The following MDN1 variants were observed in gnomAD, a reference collection of about 807,000 sequenced individuals.
MDN1 encodes midasin.
Under a neutral mutation model 669.2 loss-of-function variants are expected in MDN1, and 266 were observed. The observed-to-expected ratio is 0.40, with a 90% CI of 0.36 to 0.44. MDN1 has a LOEUF of 0.44. MDN1 is among the 20% of genes least tolerant of loss of function. MDN1 has a pLI of 1.00. For synonymous variants in MDN1, 2,385 were observed against 2,457.1 expected (o/e 0.97, Z 0.87); for missense variants, 5,940 against 6,754.0 (o/e 0.88, Z 4.22).
intron 2 of MDN1, among the ~76,000 whole-genome samples, chr6:89,801,162 A>G (rs1400816895): frequency 2.0e-5 from 3 of 151,938 alleles, no homozygotes; most frequent in Admixed American, 6.6e-5. Flanking sequence ...TTGGGAGGCC[A>G]AGGCGGGCAG....
chr6:89,706,257 C>A, intron 52 of MDN1, 65 bp from the exon 53 acceptor site: 1 of 1,486,798 alleles, frequency 6.7e-7, no homozygotes, highest in Non-Finnish European at 9.1e-7. Flanking sequence ...TGGACATTTT[C>A]AAAATAAACT....
intron 87 of MDN1, among the ~76,000 whole-genome samples, 190 bp downstream of exon 87, chr6:89,661,897 A>C (rs1435617817): frequency 6.6e-6 from 1 of 152,170 alleles, no homozygotes; most frequent in Non-Finnish European, 1.5e-5. Context: ...CATGTGGACT[A>C]CCCTGTCAGG....
chr6:89,674,759 A>C (rs951935893), intron 78 of MDN1, among the ~76,000 whole-genome samples, 170 bp from the exon 79 acceptor site: 10 of 152,228 alleles, frequency 6.6e-5, no homozygotes, highest in African/African-American at 2.2e-4. Context: ...CTCCCAAAGT[A>C]CTTAAACCCA....
chr6:89,765,151 G>C lies in MDN1; in HGVS notation c.2145-2621C>G, dbSNP rs556483461. ...CGGGCGCCTATAGTCCCAGCTACTC[G>C]GGAGGCTGAGGCAGGAGAATGGCGT... On this transcript the variant is annotated intron_variant, in intron 15 of 101. Coordinates refer to ENST00000369393, the MANE Select transcript of MDN1 (RefSeq NM_014611.3). 2.8e-4 allele frequency among the ~76,000 whole-genome samples: 42 copies of C among 152,176 alleles called. 1 individual carries two copies. In the South Asian group the frequency reaches 7.7e-3, roughly 28 times the overall value.
chr6:89,755,179 A>G (rs546562479), intron 20 of MDN1, among the ~76,000 whole-genome samples: 23 of 152,200 alleles, frequency 1.5e-4, no homozygotes, highest in South Asian at 4.1e-4. Flanking sequence ...AAGTATTCCA[A>G]TTTAGGGTGT....
At position 89,771,528 on chromosome 6, in the gene MDN1, A is replaced by G. The variant is rs1345919004; in HGVS notation, c.2144+33T>C. The G allele has an allele frequency of 1.9e-6, 3 of 1,583,258 alleles. No homozygotes were observed. The African/African-American group carries it at 4.1e-5, about 21-fold the overall frequency. On this transcript the variant is annotated intron_variant, in intron 15 of 101. Coordinates refer to ENST00000369393, the MANE Select transcript of MDN1 (RefSeq NM_014611.3). ...ATTTCTTACCTCAAGCAATAAACAC[A>G]AAAATAAGAAAAAAATTTTAAGCCA...
rs1450556331 is a variant in MDN1 at position 89,674,478 on chromosome 6, C to A, written c.12873G>T (p.Gln4291His). 6.2e-7 allele frequency: 1 copy of A among 1,613,274 alleles called. No individual in the cohort carries two copies. The highest frequency in any genetic ancestry group is 8.5e-7 in the Non-Finnish European group (1 of 1,179,976). ...GGATCTGGCACTGCATGGCCAGGTG[C>A]TGCAGGCGCTCTGTCCACTGCTGCA... is the stretch of plus-strand genomic sequence containing the variant. ...DGVQQWTERL[Q>H]HLAMQCQILL... Residue 4291 changes from glutamine (Q) to histidine (H), a missense_variant, in exon 79 of 102, where the codon CAG (glutamine) becomes CAT (histidine). Gln to His is a conservative substitution (Grantham distance 24, BLOSUM62 0). Coordinates refer to ENST00000369393, the MANE Select transcript of MDN1 (RefSeq NM_014611.3).
Position 89,729,128 on chromosome 6 carries a change from G to A in MDN1, c.5152C>T (p.His1718Tyr), listed in dbSNP as rs1348303105. ...GCATAGTCTGCAATATTATTCCTGTGTAGGACAGGTCCTTAAGTGGAGAAA... is the reference window on the plus strand; with the variant it reads ...GCATAGTCTGCAATATTATTCCTGTATAGGACAGGTCCTTAAGTGGAGAAA... Reference protein sequence around the residue: ...PFFIPRGPVLHRNNIADYALS... With the variant: ...PFFIPRGPVLYRNNIADYALS... Residue 1718 changes from histidine to tyrosine, a missense_variant, in exon 36 of 102, where the codon CAC becomes TAC. Coordinates refer to ENST00000369393, the MANE Select transcript of MDN1 (RefSeq NM_014611.3). 6.2e-7 allele frequency: 1 copy of A among 1,612,488 alleles called. No homozygotes were observed. Among genetic ancestry groups the A allele is most frequent in the African/African-American group, 1.3e-5 (1 of 74,904 alleles).
At chr6:89,735,154 C>CT (rs923871231) in intron 33 of MDN1, among the ~76,000 whole-genome samples, 15 of 152,134 alleles carry the variant, frequency 9.9e-5, no homozygotes, top group African/African-American at 2.9e-4. Context: ...TCCCAAAGTG[C>CT]TGGGATTACA....
Position 89,723,157 on chromosome 6 carries a change from A to C in MDN1, c.5779-14T>G, listed in dbSNP as rs1480039875. The C allele has an allele frequency of 6.2e-7, 1 of 1,612,290 alleles. No homozygotes were observed. Among genetic ancestry groups the C allele is most frequent in the African/African-American group, 1.3e-5 (1 of 74,866 alleles). On this transcript the variant is annotated splice_polypyrimidine_tract_variant and intron_variant, in intron 39 of 101. Coordinates refer to ENST00000369393, the MANE Select transcript of MDN1 (RefSeq NM_014611.3). Reference sequence around the variant, plus strand: ...TTCATGATCAATCTAGAAAGAAAACATCCTGATTGGGAAACATGCCCTGCT... The same window carrying C: ...TTCATGATCAATCTAGAAAGAAAACCTCCTGATTGGGAAACATGCCCTGCT...
At chr6:89,690,503 A>C (rs1812310204) in intron 64 of MDN1, among the ~76,000 whole-genome samples, 170 bp downstream of exon 64, 1 of 152,104 alleles carries the variant, frequency 6.6e-6, no homozygotes, top group African/African-American at 2.4e-5. Flanking sequence ...GGCTGCAGTG[A>C]GCTATGATTG....
rs373995031 is a variant in MDN1, at chr6:89,650,812, C to G, written c.15951G>C (p.Leu5317=). The change falls in exon 96 of 102, where the codon CTG becomes CTC. Residue 5317 remains leucine, a synonymous_variant. Coordinates refer to ENST00000369393, the MANE Select transcript of MDN1 (RefSeq NM_014611.3). ...GTTGTGAAAGAGGCGCTGTTAAGAT[C>G]AGGTAACTCTGCCACATCTCAGCTG... ...KVAAEMWQSY[L]ILTAPLSQRL... is the part of the protein sequence containing the mutation. 1.2e-6 allele frequency: 2 copies of G among 1,614,014 alleles called. No homozygotes were observed. Among genetic ancestry groups the G allele is most frequent in the African/African-American group, 2.7e-5 (2 of 74,934 alleles).
intron 44 of MDN1, 66 bp from the exon 45 acceptor site, chr6:89,715,835 G>A: frequency 2.9e-6 from 3 of 1,021,392 alleles, no homozygotes; most frequent in Non-Finnish European, 4.7e-6. Flanking sequence ...TTCCTTCCAT[G>A]CACGGGGCTC....
At chr6:89,728,188 T>G (rs1448034403) in intron 36 of MDN1, among the ~76,000 whole-genome samples, 1 of 152,024 alleles carries the variant, frequency 6.6e-6, no homozygotes, top group Non-Finnish European at 1.5e-5. Flanking sequence ...TGCTCTAGAT[T>G]AACAGTTCTC....
chr6:89,778,550 C>T lies in MDN1; in HGVS notation c.1725+1662G>A, dbSNP rs540910330. Among the ~76,000 whole-genome samples the T allele has an allele frequency of 7.0e-3, 1,060 of 152,022 alleles. 7 individuals are homozygous for T. The highest frequency in any genetic ancestry group is 0.011 in the Non-Finnish European group (759 of 67,986). The stretch of plus-strand genomic sequence containing the variant: ...GGGGGATTGATTCCAGGACCTCTCA[C>T]GGAAACCAAAATCTGAAGATGCTCA... On this transcript the variant is annotated intron_variant, in intron 11 of 101. Transcript: ENST00000369393.
chr6:89,661,968 G>T, intron 87 of MDN1, 119 bp downstream of exon 87: 1 of 1,143,470 alleles, frequency 8.7e-7, no homozygotes, highest in Non-Finnish European at 1.2e-6. Context: ...CTTTTATGAG[G>T]TAATGGGAGA....
Position 89,785,127 on chromosome 6 carries a change from C to CT in MDN1, c.1335-2dup. On this transcript the variant is annotated splice_acceptor_variant, in intron 8 of 101. Coordinates refer to ENST00000369393, the MANE Select transcript of MDN1 (RefSeq NM_014611.3). LOFTEE classifies it high-confidence loss of function. ...CCAATTTCCTCCACAGCTCAAGAGT[C>CT]TACGTTTCAAAATAAAAAACACAGT... 1.2e-6 allele frequency: 2 copies of CT among 1,605,706 alleles called. No homozygotes were observed. Among genetic ancestry groups the CT allele is most frequent in the Non-Finnish European group, 1.7e-6 (2 of 1,173,960 alleles).
chr6:89,652,154 G>T, intron 95 of MDN1, 38 bp downstream of exon 95: 1 of 1,550,648 alleles, frequency 6.4e-7, no homozygotes, highest in Non-Finnish European at 8.8e-7. Flanking sequence ...AAAAAAAGTC[G>T]AGATATTTTA....
chr6:89,722,089 C>G (rs1340979069), intron 40 of MDN1, among the ~76,000 whole-genome samples: 29 of 152,310 alleles, frequency 1.9e-4, no homozygotes, highest in Non-Finnish European at 7.4e-5. Context: ...GACAGCACCT[C>G]CTGCCTATAG....
Sources: allele counts gnomAD v4.1 joint callset (sites outside exome capture counted in the v4.1 genomes callset), GRCh38; gene constraint gnomAD v4.1.1; transcripts MANE v1.5; gene names NCBI Gene and HGNC (gene_info 2026-07-23, HGNC 2026-07-21).